Variants in MTOR observed in about 807,000 individuals in gnomAD.
MTOR encodes the protein mechanistic target of rapamycin kinase, also known as serine/threonine-protein kinase mTOR.
Under a neutral mutation model 319.8 loss-of-function variants are expected in MTOR, and 70 were observed. The ratio of observed to expected loss-of-function variants is 0.22; its 90% CI spans 0.18 to 0.27. MTOR has a LOEUF of 0.27. Among genes scored for constraint, MTOR ranks in the 10% least tolerant of loss-of-function variants. MTOR has a pLI of 1.00. For missense variants in MTOR, 1,890 were observed against 3,274.4 expected, an observed-to-expected ratio of 0.58 and a Z score of 10.32; for synonymous variants, 1,183 against 1,211.4, an observed-to-expected ratio of 0.98 and a Z score of 0.49.
intron 29 of MTOR, among the ~76,000 whole-genome samples, chr1:11,162,271 T>C (rs748021567): frequency 7.9e-5 from 12 of 152,240 alleles, no homozygotes; most frequent in Middle Eastern, 3.4e-3. Flanking sequence ...CCAAGAAATA[T>C]GGGACTATGT....
intron 34 of MTOR, among the ~76,000 whole-genome samples, chr1:11,142,002 A>AAAATAAAT (rs560419647): frequency 4.6e-5 from 7 of 151,342 alleles, no homozygotes; most frequent in Admixed American, 1.3e-4. Flanking sequence ...CTCCGTCTCA[A>AAAATAAAT]AAATAAATAA....
chr1:11,198,752 A>C (rs1645867897), intron 28 of MTOR, among the ~76,000 whole-genome samples: 1 of 152,234 alleles, frequency 6.6e-6, no homozygotes, highest in Non-Finnish European at 1.5e-5. Context: ...AGAGGAGCGA[A>C]CATAACCACA....
chr1:11,156,249 CA>C (rs1644315596), intron 30 of MTOR, among the ~76,000 whole-genome samples: 1 of 152,218 alleles, frequency 6.6e-6, no homozygotes, highest in Non-Finnish European at 1.5e-5. Context: ...CTTGGCCTCC[CA>C]AAGGGTTGGG....
At position 11,218,296 on chromosome 1, in the gene MTOR, G is replaced by A. The variant is rs1569610997; in HGVS notation, c.3031-2062C>T. On this transcript the variant is annotated intron_variant, in intron 19 of 57. Transcript: ENST00000361445. ...AATACAAAATTTAGCTGGGCATGGTGGCATGTGCCTGTAATCCCAGCTACT... is the reference window on the plus strand; with the variant it reads ...AATACAAAATTTAGCTGGGCATGGTAGCATGTGCCTGTAATCCCAGCTACT... Among the ~76,000 whole-genome samples the A allele has an allele frequency of 3.3e-5, 5 of 152,176 alleles. No homozygotes were observed. The South Asian group carries it at 1.0e-3, about 32-fold the overall frequency.
Position 11,228,844 on chromosome 1 carries a change from T to G in MTOR, c.2854A>C (p.Met952Leu), listed in dbSNP as rs1156935323. 6.2e-7 allele frequency: 1 copy of G among 1,614,076 alleles called. No homozygotes were observed. Among genetic ancestry groups the G allele is most frequent in the Non-Finnish European group, 8.5e-7 (1 of 1,180,028 alleles). Residue 952 changes from methionine (M) to leucine (L), a missense_variant, in exon 19 of 58, where the codon ATG becomes CTG. Met to Leu is a conservative substitution (Grantham distance 15). Coordinates refer to ENST00000361445, the MANE Select transcript of MTOR (RefSeq NM_004958.4). The part of the protein sequence containing the change: ...PLDEFYPAVS[M>L]VALMRIFRDQ... ...CGGAAGATCCGCATCAGGGCCACCA[T>G]GGACACAGCTGGGTAGAACTCATCC...
chr1:11,255,912 G>A (rs1489764244), intron 5 of MTOR, 80 bp downstream of exon 5: 2 of 1,348,296 alleles, frequency 1.5e-6, no homozygotes, highest in African/African-American at 1.5e-5. Context: ...CATGGCAAGG[G>A]CTTGTGGCTG....
chr1:11,168,888 A>AG (rs1163252298), intron 28 of MTOR, among the ~76,000 whole-genome samples: 2 of 152,228 alleles, frequency 1.3e-5, no homozygotes, highest in Non-Finnish European at 2.9e-5. Context: ...GAAGGGAAAG[A>AG]GGGGAGGGTG....
chr1:11,155,933 ATAACC>A (rs1310517823), intron 30 of MTOR, among the ~76,000 whole-genome samples: 3 of 152,212 alleles, frequency 2.0e-5, no homozygotes, highest in African/African-American at 7.2e-5. Context: ...GAAAGTAGGG[ATAACC>A]TACTAGTCGG....
intron 28 of MTOR, among the ~76,000 whole-genome samples, chr1:11,186,402 CTG>C (rs1389059674): frequency 6.6e-6 from 1 of 152,184 alleles, no homozygotes; most frequent in Non-Finnish European, 1.5e-5. Flanking sequence ...GGCCCAAACA[CTG>C]TGAAGTCTTT....
intron 45 of MTOR, 86 bp from the exon 46 acceptor site, chr1:11,126,882 T>C (rs1006678582): frequency 2.0e-5 from 32 of 1,576,806 alleles, no homozygotes; most frequent in Non-Finnish European, 2.8e-5. Context: ...GGATTGCTAA[T>C]AACAATTACT....
chr1:11,203,170 G>A (rs745759305), intron 26 of MTOR, among the ~76,000 whole-genome samples: 1 of 150,544 alleles, frequency 6.6e-6, no homozygotes, highest in Non-Finnish European at 1.5e-5. Context: ...CCACAATTGC[G>A]CCACTGCACT....
In MTOR at chr1:11,257,169, CA is replaced by C; in HGVS notation, c.272-5del. On this transcript the variant is annotated splice_region_variant and splice_polypyrimidine_tract_variant and intron_variant, in intron 3 of 57. Coordinates refer to ENST00000361445, the MANE Select transcript of MTOR (RefSeq NM_004958.4). ...CCTTCCACTCCTATGAGGCTAGCTGCAAAAGAGAGGAAGGCAAAAGGTGATG... is the reference window on the plus strand; with the variant it reads ...CCTTCCACTCCTATGAGGCTAGCTGCAAAGAGAGGAAGGCAAAAGGTGATG... 11 of 1,609,918 alleles carry C rather than the reference CA, an allele frequency of 6.8e-6. No homozygotes were observed. Among genetic ancestry groups the C allele is most frequent in the Non-Finnish European group, 9.3e-6 (11 of 1,177,822 alleles).
rs1642897779 is a variant in MTOR at position 11,127,474 on chromosome 1, TAAAGTCAGTGGA to T, written c.6216+138_6216+149del. The T allele has an allele frequency of 2.1e-6, 2 of 941,932 alleles. No individual in the cohort carries two copies. Among genetic ancestry groups the T allele is most frequent in the East Asian group, 5.4e-5 (2 of 37,184 alleles). The allele number at this position is 941,932 out of a possible 1,614,324, so 58.3% of individuals were successfully genotyped here. A position where few individuals can be genotyped will look rare whatever the true frequency, so the allele number is the denominator to read the frequency against. ...TGACCTCCATCAGAGCTCGTTTTAT[TAAAGTCAGTGGA>T]AAGGCCAGAGGAAAAGAAATCTGAC... is the stretch of plus-strand genomic sequence containing the variant. On this transcript the variant is annotated intron_variant, in intron 44 of 57. Coordinates refer to ENST00000361445, the MANE Select transcript of MTOR (RefSeq NM_004958.4). The surrounding 1 kb of genome is among the most constrained non-coding windows in gnomAD (Gnocchi z 5.5).
chr1:11,246,266 C>G (rs1648803412), intron 8 of MTOR, among the ~76,000 whole-genome samples: 1 of 152,176 alleles, frequency 6.6e-6, no homozygotes, highest in African/African-American at 2.4e-5. Flanking sequence ...TGCTAGGCAG[C>G]CTTCTGAACT....
rs538678947 is a variant in MTOR, at chr1:11,256,872, G to T, written c.504+61C>A. On this transcript the variant is annotated intron_variant, in intron 4 of 57. Coordinates refer to ENST00000361445, the MANE Select transcript of MTOR (RefSeq NM_004958.4). ...GAATGAGCCTCAGAAGGAAGCAAAA[G>T]ACCCCCCCATGACACCATCGTTCCC... The T allele has an allele frequency of 5.9e-5, 88 of 1,504,018 alleles. No individual in the cohort carries two copies. The African/African-American group carries it at 1.1e-3, about 19-fold the overall frequency. The allele number at this position is 1,504,018 out of a possible 1,614,324, so 93.2% of individuals were successfully genotyped here.
At chr1:11,130,883 T>G in intron 38 of MTOR, 106 bp from the exon 39 acceptor site, 1 of 1,403,354 alleles carries the variant, frequency 7.1e-7, no homozygotes, top group Non-Finnish European at 9.5e-7. Context: ...GCCTGTTCTG[T>G]GTGTCCATAA....
chr1:11,255,329 G>C (rs935227920), intron 5 of MTOR, among the ~76,000 whole-genome samples: 1 of 130,384 alleles, frequency 7.7e-6, no homozygotes, highest in Non-Finnish European at 1.5e-5. Context: ...GCTACAGTGA[G>C]ACAAAATCAC....
intron 28 of MTOR, among the ~76,000 whole-genome samples, chr1:11,181,916 C>T (rs530829295): frequency 3.3e-5 from 5 of 152,126 alleles, no homozygotes; most frequent in Non-Finnish European, 7.4e-5. Flanking sequence ...GAAGTAGATA[C>T]ACAAAAAAGT....
At chr1:11,259,125 G>T in intron 2 of MTOR, 123 bp downstream of exon 2, 1 of 1,193,552 alleles carries the variant, frequency 8.4e-7, no homozygotes, top group Non-Finnish European at 1.2e-6. Context: ...CAGGTTGGGT[G>T]CCTTTATAAA....
Sources: gnomAD v4.1 joint callset for allele counts (sites outside exome capture counted in the v4.1 genomes callset) on GRCh38, gnomAD v4.1.1 for gene constraint, Gnocchi (gnomAD v3.1) non-coding constraint, MANE v1.5 for transcripts, NCBI Gene and HGNC (gene_info 2026-07-23, HGNC 2026-07-21) for gene names.